Variants in ADGRL2 observed in about 807,000 individuals in gnomAD.
The protein encoded by ADGRL2 is calcium-independent alpha-latrotoxin receptor 2.
A neutral mutation model predicts 157.4 loss-of-function variants in ADGRL2; 44 were observed. That is an observed-to-expected ratio of 0.28 (90% CI 0.22 to 0.36). The LOEUF (loss-of-function observed/expected upper bound fraction) is 0.36, where lower values mean the gene tolerates loss of function less well. Among genes scored for constraint, ADGRL2 ranks in the 10% least tolerant of loss-of-function variants. ADGRL2 has a pLI of 1.00. For missense variants in ADGRL2, 1,510 were observed against 1,768.9 expected (o/e 0.85, Z 2.63); for synonymous variants, 585 against 624.7 (o/e 0.94, Z 0.95).
Position 81,493,424 on chromosome 1 carries a change from C to T in ADGRL2, c.-248+48335C>T, listed in dbSNP as rs374225038. On this transcript the variant is annotated intron_variant, in intron 2 of 24. Coordinates refer to the ADGRL2 transcript ENST00000370721. ...TACCTGCCTATCTTTAATTTCAGGC[C>T]CTTGAAATTTTATTTCATTAACTAT... is the stretch of plus-strand genomic sequence containing the variant. Among the ~76,000 whole-genome samples the T allele has an allele frequency of 6.2e-4, 94 of 152,262 alleles. 2 individuals carry two copies. The South Asian group carries it at 0.019, about 31-fold the overall frequency.
At chr1:81,443,568 T>C (rs2077547777) in intron 1 of ADGRL2, among the ~76,000 whole-genome samples, 1 of 152,114 alleles carries the variant, frequency 6.6e-6, no homozygotes. Context: ...TTGATAGAAA[T>C]CCAGCCACCT....
chr1:81,665,179 A>T (rs2082729050), intron 3 of ADGRL2, among the ~76,000 whole-genome samples: 1 of 152,154 alleles, frequency 6.6e-6, no homozygotes, highest in Admixed American at 6.6e-5. Context: ...TAAACTGATT[A>T]TTTAGAATTA....
At chr1:81,499,374 T>C (rs1391346628) in intron 2 of ADGRL2, among the ~76,000 whole-genome samples, 2 of 152,238 alleles carry the variant, frequency 1.3e-5, no homozygotes, top group Non-Finnish European at 2.9e-5. Flanking sequence ...CAGAAGCCTA[T>C]ATGGTAAGGA....
intron 1 of ADGRL2, among the ~76,000 whole-genome samples, chr1:81,817,069 C>T (rs2090478627): frequency 6.6e-6 from 1 of 151,738 alleles, no homozygotes; most frequent in Non-Finnish European, 1.5e-5. Flanking sequence ...ACGTTATACC[C>T]TCTAAGTAAT....
In ADGRL2 at chr1:81,616,623, A is replaced by G. The variant is rs190868736; in HGVS notation, c.-143+35643A>G. Among the ~76,000 whole-genome samples, 321 of 145,168 alleles carry G rather than the reference A, an allele frequency of 2.2e-3. 1 individual carries two copies. Among genetic ancestry groups the G allele is most frequent in the Non-Finnish European group, 3.9e-3 (262 of 66,612 alleles). On this transcript the variant is annotated intron_variant, in intron 3 of 24. Transcript: ENST00000370721. ...TTCCATCTGAGGCTACCTACTCATT[A>G]GTATCCACTTCTAGTTTTTTGGGTT...
At chr1:81,619,320 C>T (rs1007920392) in intron 3 of ADGRL2, among the ~76,000 whole-genome samples, 6 of 151,768 alleles carry the variant, frequency 4.0e-5, no homozygotes, top group African/African-American at 1.5e-4. Context: ...ACCTGCCGTG[C>T]CTTTAGTACC....
chr1:81,771,311 T>C (rs569526320), intron 2 of ADGRL2, among the ~76,000 whole-genome samples: 1 of 144,360 alleles, frequency 6.9e-6, no homozygotes, highest in Admixed American at 7.0e-5. Context: ...ATAATTTTTC[T>C]CACAAAGAAT....
At chr1:81,662,657 C>T (rs1213364184) in intron 3 of ADGRL2, among the ~76,000 whole-genome samples, 9 of 151,788 alleles carry the variant, frequency 5.9e-5, no homozygotes, top group Admixed American at 5.2e-4. Context: ...CAGGTTCAAG[C>T]GATTCTCCTA....
chr1:81,732,917 G>C (rs1570997053), intron 1 of ADGRL2, among the ~76,000 whole-genome samples: 1 of 151,884 alleles, frequency 6.6e-6, no homozygotes, highest in South Asian at 2.1e-4. Context: ...TTATGATAAG[G>C]GTTTTTATTT....
Position 81,646,990 on chromosome 1 carries a change from C to T in ADGRL2, c.-143+66010C>T, listed in dbSNP as rs75464803. Reference sequence around the variant, plus strand: ...AACAAACAAAACAACATTTTGAGCACGTATGTGCCTGATACTTATATTTAT... The same window carrying T: ...AACAAACAAAACAACATTTTGAGCATGTATGTGCCTGATACTTATATTTAT... On this transcript the variant is annotated intron_variant, in intron 3 of 24. Coordinates refer to the ADGRL2 transcript ENST00000370721. 3.9e-4 allele frequency among the ~76,000 whole-genome samples: 60 copies of T among 152,262 alleles called. No individual in the cohort carries two copies. The East Asian group carries it at 4.8e-3, about 12-fold the overall frequency.
chr1:81,533,947 C>T (rs558299763), intron 2 of ADGRL2, among the ~76,000 whole-genome samples: 1 of 152,006 alleles, frequency 6.6e-6, no homozygotes, highest in East Asian at 1.9e-4. Flanking sequence ...AGGAAAGCAC[C>T]TGGGCTACGT....
At chr1:81,933,110 A>G (rs1468787749) in intron 3 of ADGRL2, among the ~76,000 whole-genome samples, 2 of 152,208 alleles carry the variant, frequency 1.3e-5, no homozygotes, top group Non-Finnish European at 1.5e-5. Flanking sequence ...GTTCATCTTT[A>G]TAAATATAAA....
At chr1:81,319,686 T>C (rs751091275) in intron 1 of ADGRL2, among the ~76,000 whole-genome samples, 2 of 152,220 alleles carry the variant, frequency 1.3e-5, no homozygotes, top group Non-Finnish European at 2.9e-5. Context: ...TTGTATTGCA[T>C]TCATTAATTT....
At chr1:81,902,767 T>G (rs2094511127) in intron 2 of ADGRL2, among the ~76,000 whole-genome samples, 1 of 152,162 alleles carries the variant, frequency 6.6e-6, no homozygotes, top group African/African-American at 2.4e-5. Flanking sequence ...TTTCCATAAT[T>G]GATTCATGTT....
At chr1:81,949,589 A>C (rs910926523) in intron 6 of ADGRL2, among the ~76,000 whole-genome samples, 5 of 152,144 alleles carry the variant, frequency 3.3e-5, no homozygotes, top group African/African-American at 2.4e-5. Flanking sequence ...GAAGCCTGAG[A>C]TGTTTCCTTA....
chr1:81,551,030 C>T (rs2080132686), intron 2 of ADGRL2, among the ~76,000 whole-genome samples: 1 of 152,108 alleles, frequency 6.6e-6, no homozygotes, highest in Admixed American at 6.6e-5. Context: ...CCAGCTCTGC[C>T]TCTTAGAAGA....
intron 3 of ADGRL2, among the ~76,000 whole-genome samples, chr1:81,597,360 A>G (rs1215135675): frequency 2.0e-5 from 3 of 152,206 alleles, no homozygotes; most frequent in African/African-American, 7.2e-5. Flanking sequence ...TTCTTTCTAC[A>G]AAAGCAGAAA....
intron 11 of ADGRL2, among the ~76,000 whole-genome samples, chr1:81,961,975 A>C (rs1655558339): frequency 1.3e-5 from 2 of 152,122 alleles, no homozygotes; most frequent in South Asian, 4.1e-4. Context: ...ACTGTAATGA[A>C]AGTTTCTGTA....
At chr1:81,639,319 C>T (rs2082172558) in intron 3 of ADGRL2, among the ~76,000 whole-genome samples, 4 of 152,150 alleles carry the variant, frequency 2.6e-5, no homozygotes, top group African/African-American at 2.4e-5. Context: ...GACCAATCCA[C>T]TTCAGCCTCC....
Sources: allele counts gnomAD v4.1 joint callset (sites outside exome capture counted in the v4.1 genomes callset), GRCh38; gene constraint gnomAD v4.1.1; transcripts MANE v1.5; gene names NCBI Gene and HGNC (gene_info 2026-07-23, HGNC 2026-07-21).